Variants in TRAM1 observed in about 807,000 individuals in gnomAD.
TRAM1 encodes translocation associated membrane protein 1.
A neutral mutation model predicts 48.7 loss-of-function variants in TRAM1; 17 were observed. That is an observed-to-expected ratio of 0.35 (90% CI 0.24 to 0.52). The LOEUF (loss-of-function observed/expected upper bound fraction) is 0.52, where lower values mean the gene tolerates loss of function less well. Among genes scored for constraint, TRAM1 ranks in the 20% least tolerant of loss-of-function variants. The pLI is 0.94. For missense variants in TRAM1, 351 were observed against 441.5 expected, an observed-to-expected ratio of 0.79 and a Z score of 1.84; for synonymous variants, 182 against 154.0, an observed-to-expected ratio of 1.18 and a Z score of -1.34.
chr8:70,578,204 G>C (rs530415581), intron 10 of TRAM1, among the ~76,000 whole-genome samples: 4 of 152,338 alleles, frequency 2.6e-5, no homozygotes, highest in African/African-American at 9.6e-5. Context: ...GGTGACATCA[G>C]GATCAAGGGA....
chr8:70,606,932 G>T (rs1447470153), intron 1 of TRAM1: 3 of 983,440 alleles, frequency 3.1e-6, no homozygotes, highest in Non-Finnish European at 3.6e-6. Flanking sequence ...TCTTAACGTC[G>T]CTCATCTTTT....
chr8:70,574,881 T>G lies in TRAM1; in HGVS notation c.*51A>C, dbSNP rs773098002. On this transcript the variant is annotated 3_prime_UTR_variant, in exon 11 of 11. Transcript: ENST00000262213. ...GAAAAATCTCTAATGCTGAAAGATA[T>G]AGTAGAAAGCAGATTTCTTTGGGGA... is the stretch of plus-strand genomic sequence containing the variant. The G allele has an allele frequency of 8.1e-7, 1 of 1,227,766 alleles. No individual in the cohort carries two copies. The highest frequency in any genetic ancestry group is 1.3e-5 in the South Asian group (1 of 79,344). The allele number at this position is 1,227,766 out of a possible 1,614,324, so 76.1% of individuals were successfully genotyped here.
In TRAM1 at chr8:70,583,166, G is replaced by C. The variant is rs1164555873; in HGVS notation, c.1049C>G (p.Thr350Arg). Residue 350 changes from threonine to arginine, a missense_variant and splice_region_variant, in exon 10 of 11, where the codon ACA becomes AGA. Coordinates refer to ENST00000262213, the MANE Select transcript of TRAM1 (RefSeq NM_014294.6). ...TTCATTGCTTACTGAATACAAACCT[G>C]TTCCTTTTTTAGAAGATCTGCCTTT... ...VTKGRSSKKGTENGVNGTLTS... is the reference protein window; with the variant it reads ...VTKGRSSKKGRENGVNGTLTS... The C allele has an allele frequency of 1.9e-6, 3 of 1,612,688 alleles. No homozygotes were observed. The highest frequency in any genetic ancestry group is 2.5e-6 in the Non-Finnish European group (3 of 1,179,620).
At chr8:70,606,593 G>A (rs999738343) in intron 1 of TRAM1, among the ~76,000 whole-genome samples, 2 of 152,144 alleles carry the variant, frequency 1.3e-5, no homozygotes, top group African/African-American at 4.8e-5. Context: ...CTGATAAAGA[G>A]CAGAAAAATT....
intron 10 of TRAM1, among the ~76,000 whole-genome samples, chr8:70,579,486 G>A (rs1458453358): frequency 6.6e-6 from 1 of 152,180 alleles, no homozygotes; most frequent in African/African-American, 2.4e-5. Flanking sequence ...GCATCCATTG[G>A]GGGTTTTGGA....
At chr8:70,593,610 A>G (rs552610041) in intron 6 of TRAM1, among the ~76,000 whole-genome samples, 1 of 151,966 alleles carries the variant, frequency 6.6e-6, no homozygotes, top group East Asian at 1.9e-4. Flanking sequence ...AAAAAAAAAA[A>G]AACTCCCAGA....
At chr8:70,586,304 G>A (rs923875341) in intron 8 of TRAM1, among the ~76,000 whole-genome samples, 26 of 146,154 alleles carry the variant, frequency 1.8e-4, no homozygotes, top group African/African-American at 6.3e-4. Flanking sequence ...GATAGCATTA[G>A]GAGATATACC....
In TRAM1 at chr8:70,574,556, T is replaced by G. The variant is rs145354280; in HGVS notation, c.*376A>C. On this transcript the variant is annotated 3_prime_UTR_variant, in exon 11 of 11. Transcript: ENST00000262213. ...GAAAGATAACTTAAAAAATATGGCC[T>G]TCTTAGAACAGGCCACTCTGCTATT... The G allele has an allele frequency of 3.3e-3, 649 of 194,948 alleles. 6 individuals are homozygous for G. The highest frequency in any genetic ancestry group is 0.015 in the African/African-American group (608 of 41,882). 12.1% of individuals were successfully genotyped at this position (194,948 alleles called of 1,614,324 possible).
chr8:70,578,539 G>A (rs1817009435), intron 10 of TRAM1, among the ~76,000 whole-genome samples: 1 of 152,206 alleles, frequency 6.6e-6, no homozygotes, highest in African/African-American at 2.4e-5. Context: ...AGGCTGAGGT[G>A]GGAGGACTGC....
In TRAM1 at chr8:70,600,154, A is replaced by G. The variant is rs115526264; in HGVS notation, c.124-72T>C. 2.2e-3 allele frequency: 2,737 copies of G among 1,235,990 alleles called. 46 individuals carry two copies. In the African/African-American group the frequency reaches 0.036, roughly 16 times the overall value. 76.6% of individuals were successfully genotyped at this position (1,235,990 alleles called of 1,614,324 possible). A position where few individuals can be genotyped will look rare whatever the true frequency, so the allele number is the denominator to read the frequency against. Reference sequence around the variant, plus strand: ...CCAAATAACAGATCGGGGCAAAAACATTATAAAATCTGTCCCTAAATCGAA... The same window carrying G: ...CCAAATAACAGATCGGGGCAAAAACGTTATAAAATCTGTCCCTAAATCGAA... On this transcript the variant is annotated intron_variant, in intron 1 of 10. Coordinates refer to ENST00000262213, the MANE Select transcript of TRAM1 (RefSeq NM_014294.6).
Position 70,608,239 on chromosome 8 carries a change from G to A in TRAM1, c.-40C>T. ...CCGCGCCTGCAGGTGCTCCGCCCCG[G>A]TTCTGCTCTTCCCAGCTGCTCACCG... On this transcript the variant is annotated 5_prime_UTR_variant, in exon 1 of 11. Transcript: ENST00000262213. 1 of 1,559,902 alleles carries A rather than the reference G, an allele frequency of 6.4e-7. No homozygotes were observed. The highest frequency in any genetic ancestry group is 8.6e-7 in the Non-Finnish European group (1 of 1,158,266).
chr8:70,587,287 A>G, intron 6 of TRAM1, 111 bp from the exon 7 acceptor site: 1 of 1,006,940 alleles, frequency 9.9e-7, no homozygotes, highest in Non-Finnish European at 1.5e-6. Flanking sequence ...CCTTGGACTC[A>G]AGAGAACCCC....
chr8:70,591,850 T>TTA (rs1188988621), intron 6 of TRAM1, among the ~76,000 whole-genome samples: 3 of 152,038 alleles, frequency 2.0e-5, no homozygotes, highest in East Asian at 3.9e-4. Flanking sequence ...TTTTAAAGGT[T>TTA]TATAAGGTCT....
At chr8:70,580,513 G>A (rs1234423491) in intron 10 of TRAM1, among the ~76,000 whole-genome samples, 2 of 152,086 alleles carry the variant, frequency 1.3e-5, no homozygotes, top group South Asian at 2.1e-4. Flanking sequence ...AACCTTCCAT[G>A]ATAAAAACAA....
intron 10 of TRAM1, among the ~76,000 whole-genome samples, chr8:70,581,576 T>C (rs953035457): frequency 6.6e-6 from 1 of 152,154 alleles, no homozygotes; most frequent in Non-Finnish European, 1.5e-5. Flanking sequence ...ATGTTAAACA[T>C]AGTTACCGCA....
intron 1 of TRAM1, among the ~76,000 whole-genome samples, chr8:70,603,889 T>G (rs1199587134): frequency 3.9e-5 from 6 of 152,128 alleles, no homozygotes; most frequent in Non-Finnish European, 8.8e-5. Context: ...AGAGGAAAAA[T>G]GTAAACTACA....
chr8:70,576,026 G>A (rs538139999), intron 10 of TRAM1, among the ~76,000 whole-genome samples: 116 of 145,010 alleles, frequency 8.0e-4, no homozygotes, highest in African/African-American at 2.8e-3. Flanking sequence ...AGCTGAGATC[G>A]CGCCACTGCA....
intron 7 of TRAM1, 42 bp from the exon 8 acceptor site, chr8:70,587,041 A>G (rs912760690): frequency 1.2e-6 from 2 of 1,611,812 alleles, no homozygotes; most frequent in Non-Finnish European, 1.7e-6. Context: ...TTAATTATCA[A>G]TTAAGACAGG....
At chr8:70,599,416 T>C (rs923087298) in intron 2 of TRAM1, among the ~76,000 whole-genome samples, 1 of 152,240 alleles carries the variant, frequency 6.6e-6, no homozygotes, top group Non-Finnish European at 1.5e-5. Flanking sequence ...TAGTTAATTA[T>C]ATCACTGTAT....
Sources: allele counts gnomAD v4.1 joint callset (sites outside exome capture counted in the v4.1 genomes callset), GRCh38; gene constraint gnomAD v4.1.1; transcripts MANE v1.5; gene names NCBI Gene and HGNC (gene_info 2026-07-23, HGNC 2026-07-21).